The following GALNT18 variants were observed in gnomAD, a reference collection of about 807,000 sequenced individuals.
The protein encoded by GALNT18 is GalNAc-transferase 18.
In GALNT18, 44 loss-of-function variants were observed where a neutral mutation model predicts 69.5. The observed-to-expected ratio is 0.63, with a 90% confidence interval of 0.50 to 0.81. GALNT18 has a LOEUF of 0.81. GALNT18 is among the 40% of genes least tolerant of loss of function. The probability of loss-of-function intolerance (pLI) is 0.00; values close to 1 mark genes in which losing one functional copy is unlikely to be tolerated. For missense variants in GALNT18, 715 were observed against 810.0 expected, an observed-to-expected ratio of 0.88 and a Z score of 1.42; for synonymous variants, 364 against 318.2, an observed-to-expected ratio of 1.14 and a Z score of -1.53.
At chr11:11,343,781 T>C (rs1237928507) in intron 6 of GALNT18, among the ~76,000 whole-genome samples, 4 of 152,170 alleles carry the variant, frequency 2.6e-5, no homozygotes, top group African/African-American at 9.7e-5. Flanking sequence ...CAAAACTCTT[T>C]TATTACAAGA....
Position 11,404,836 on chromosome 11 carries a change from A to G in GALNT18, c.596-25572T>C, listed in dbSNP as rs1254247662. Among the ~76,000 whole-genome samples the G allele has an allele frequency of 1.3e-5, 2 of 152,062 alleles. No homozygotes were observed. The highest frequency in any genetic ancestry group is 2.9e-5 in the Non-Finnish European group (2 of 67,992). ...TTCACCACCACCTGGCCTCAACTTGAACATGCCCCAGCCACACCTAACCCA... is the reference window on the plus strand; with the variant it reads ...TTCACCACCACCTGGCCTCAACTTGGACATGCCCCAGCCACACCTAACCCA... On this transcript the variant is annotated intron_variant, in intron 3 of 10. Coordinates refer to ENST00000227756, the MANE Select transcript of GALNT18 (RefSeq NM_198516.3). This position sits in a 1 kb window ranked among gnomAD's most constrained non-coding sequence, Gnocchi z 4.5.
chr11:11,287,842 C>T (rs1251756232), intron 10 of GALNT18, among the ~76,000 whole-genome samples: 1 of 152,130 alleles, frequency 6.6e-6, no homozygotes, highest in Non-Finnish European at 1.5e-5. Context: ...ACCAAATGTT[C>T]TCAAACACAG....
At chr11:11,424,023 C>A (rs567903211) in intron 3 of GALNT18, among the ~76,000 whole-genome samples, 1 of 152,324 alleles carries the variant, frequency 6.6e-6, no homozygotes, top group East Asian at 1.9e-4. Flanking sequence ...AAGTGGGGGT[C>A]AAACTCCAGC....
rs73405805 is a variant in GALNT18, at chr11:11,470,313, A to G, written c.236-21377T>C. Among the ~76,000 whole-genome samples the G allele has an allele frequency of 0.047, 7,130 of 152,328 alleles. 430 individuals are homozygous for G. Among genetic ancestry groups the G allele is most frequent in the African/African-American group, 0.14 (6,013 of 41,540 alleles). ...AGGGACATCCACATTCTGTCTCTAC[A>G]TAGTCCTGTGCAGGCATGGAGGAAA... On this transcript the variant is annotated intron_variant, in intron 1 of 10. Coordinates refer to ENST00000227756, the MANE Select transcript of GALNT18 (RefSeq NM_198516.3). This position sits in a 1 kb window ranked among gnomAD's most constrained non-coding sequence, Gnocchi z 4.8.
chr11:11,612,647 G>C (rs1259773384), intron 1 of GALNT18, among the ~76,000 whole-genome samples: 1 of 152,216 alleles, frequency 6.6e-6, no homozygotes, highest in African/African-American at 2.4e-5. Context: ...GCACAAGTCA[G>C]ACTGGCGAAG....
chr11:11,441,715 C>T (rs956150334), intron 2 of GALNT18, among the ~76,000 whole-genome samples: 2 of 152,194 alleles, frequency 1.3e-5, no homozygotes, highest in African/African-American at 4.8e-5. Context: ...GTGAATCTTT[C>T]GCTCATGGTT....
rs6484911 is a variant in GALNT18, at chr11:11,439,398, G to T, written c.429-6611C>A. Among the ~76,000 whole-genome samples the T allele has an allele frequency of 7.9e-3, 1,203 of 152,194 alleles. 16 individuals are homozygous for T. Among genetic ancestry groups the T allele is most frequent in the African/African-American group, 0.027 (1,127 of 41,528 alleles). On this transcript the variant is annotated intron_variant, in intron 2 of 10. Coordinates refer to ENST00000227756, the MANE Select transcript of GALNT18 (RefSeq NM_198516.3). The surrounding 1 kb of genome is among the most constrained non-coding windows in gnomAD (Gnocchi z 4.4). ...CCTTCAAAAAATCCCAACCACCTGTGGTCACCTGCATAGGTTTGGTTCCTT... is the reference window on the plus strand; with the variant it reads ...CCTTCAAAAAATCCCAACCACCTGTTGTCACCTGCATAGGTTTGGTTCCTT...
intron 6 of GALNT18, among the ~76,000 whole-genome samples, chr11:11,345,996 A>G (rs531728713): frequency 1.8e-4 from 27 of 152,294 alleles, no homozygotes; most frequent in African/African-American, 5.8e-4. Flanking sequence ...CCTTGACTAC[A>G]CTAAGTTCTT....
rs1318731294 is a variant in GALNT18 at position 11,538,911 on chromosome 11, C to T, written c.235+82448G>A. 6.6e-6 allele frequency among the ~76,000 whole-genome samples: 1 copy of T among 152,252 alleles called. No homozygotes were observed. The highest frequency in any genetic ancestry group is 1.9e-4 in the East Asian group (1 of 5,146). ...GAGATCCCAGTAAAAGATGCTTTGT[C>T]AACAGAGGTGCCCCCCAGATCCCTG... On this transcript the variant is annotated intron_variant, in intron 1 of 10. Transcript: ENST00000227756. The surrounding 1 kb of genome is among the most constrained non-coding windows in gnomAD (Gnocchi z 5.2).
intron 3 of GALNT18, among the ~76,000 whole-genome samples, chr11:11,426,187 A>T (rs553423864): frequency 1.4e-4 from 22 of 152,132 alleles, no homozygotes; most frequent in Non-Finnish European, 2.1e-4. Context: ...TGAGGATGGG[A>T]AGTGAGTTCA....
At chr11:11,397,802 A>G (rs1375514856) in intron 3 of GALNT18, among the ~76,000 whole-genome samples, 5 of 152,170 alleles carry the variant, frequency 3.3e-5, no homozygotes, top group Admixed American at 3.3e-4. Context: ...AAGGGCATAG[A>G]AAGAAAATAG....
intron 9 of GALNT18, among the ~76,000 whole-genome samples, chr11:11,294,174 G>A (rs551441694): frequency 1.3e-5 from 2 of 152,190 alleles, no homozygotes; most frequent in Admixed American, 1.3e-4. Flanking sequence ...GACAAATCCT[G>A]GGGAAACCAG....
intron 9 of GALNT18, among the ~76,000 whole-genome samples, chr11:11,301,260 T>C (rs1447100571): frequency 6.6e-6 from 1 of 152,162 alleles, no homozygotes; most frequent in Non-Finnish European, 1.5e-5. Flanking sequence ...TTTATTAAAT[T>C]TCAATTTACA....
chr11:11,553,965 C>T (rs1049481969), intron 1 of GALNT18, among the ~76,000 whole-genome samples: 5 of 152,198 alleles, frequency 3.3e-5, no homozygotes, highest in African/African-American at 9.7e-5. Flanking sequence ...CTGATACTTC[C>T]GTAATTATAC....
rs375073035 is a variant in GALNT18 at position 11,621,314 on chromosome 11, A to T, written c.235+45T>A. 6.5e-6 allele frequency: 10 copies of T among 1,537,330 alleles called. No individual in the cohort carries two copies. The highest frequency in any genetic ancestry group is 9.0e-6 in the Non-Finnish European group (10 of 1,117,312). ...CAGCGCACCCCGCGCCGCGCGGGGC[A>T]CTCCCGGGCCTCATGGGCGACCCAA... is the stretch of plus-strand genomic sequence containing the variant. On this transcript the variant is annotated intron_variant, in intron 1 of 10. Coordinates refer to ENST00000227756, the MANE Select transcript of GALNT18 (RefSeq NM_198516.3). The surrounding 1 kb of genome is among the most constrained non-coding windows in gnomAD (Gnocchi z 9.3).
chr11:11,352,336 T>C (rs1433490152), intron 6 of GALNT18: 2 of 1,613,998 alleles, frequency 1.2e-6, no homozygotes, highest in Non-Finnish European at 1.7e-6. Flanking sequence ...AATTCAATGT[T>C]GTATTTGTCA....
At chr11:11,559,157 A>G (rs550193587) in intron 1 of GALNT18, among the ~76,000 whole-genome samples, 1 of 152,366 alleles carries the variant, frequency 6.6e-6, no homozygotes, top group Non-Finnish European at 1.5e-5. Context: ...AGCTGTATTT[A>G]AGTGCCAGTA....
chr11:11,449,266 G>A (rs1174109874), intron 1 of GALNT18, among the ~76,000 whole-genome samples: 1 of 152,120 alleles, frequency 6.6e-6, no homozygotes, highest in Non-Finnish European at 1.5e-5. Context: ...AGAGATGTTG[G>A]CCCCAGCCCT....
chr11:11,570,852 T>C (rs1858778100), intron 1 of GALNT18, among the ~76,000 whole-genome samples: 1 of 152,234 alleles, frequency 6.6e-6, no homozygotes, highest in Non-Finnish European at 1.5e-5. Context: ...ACAGGTAATT[T>C]ACTTGCCTGT....
Sources: allele counts gnomAD v4.1 joint callset (sites outside exome capture counted in the v4.1 genomes callset), GRCh38; gene constraint gnomAD v4.1.1; non-coding constraint Gnocchi (gnomAD v3.1); transcripts MANE v1.5; gene names NCBI Gene and HGNC (gene_info 2026-07-23, HGNC 2026-07-21).